The following SOD2 variants were observed in gnomAD, a reference collection of about 807,000 sequenced individuals.
The protein encoded by SOD2 is superoxide dismutase [Mn], mitochondrial.
A neutral mutation model predicts 27.0 loss-of-function variants in SOD2; 11 were observed. That is an observed-to-expected ratio of 0.41 (90% CI 0.26 to 0.67). SOD2 has a LOEUF of 0.67. SOD2 is among the 30% of genes least tolerant of loss of function. SOD2 has a pLI of 0.34. For missense variants in SOD2, 250 were observed against 274.5 expected, an observed-to-expected ratio of 0.91 and a Z score of 0.63; for synonymous variants, 105 against 103.0, an observed-to-expected ratio of 1.02 and a Z score of -0.12.
Position 159,688,101 on chromosome 6 carries a change from T to C in SOD2, c.343+25A>G, listed in dbSNP as rs373111615. The C allele has an allele frequency of 2.8e-5, 33 of 1,192,080 alleles. No individual in the cohort carries two copies. In the African/African-American group the frequency reaches 4.6e-4, roughly 17 times the overall value. 73.8% of individuals were successfully genotyped at this position (1,192,080 alleles called of 1,614,324 possible). A position where few individuals can be genotyped will look rare whatever the true frequency, so the allele number is the denominator to read the frequency against. ...ATTCCTACTGTGCACAAAATGTAGA[T>C]AAGGGTGCACCAATATATACCAACC... On this transcript the variant is annotated intron_variant, in intron 3 of 4. Coordinates refer to ENST00000538183, the MANE Select transcript of SOD2 (RefSeq NM_000636.4).
chr6:159,735,753 A>G (rs1184502292), intron 1 of SOD2, among the ~76,000 whole-genome samples: 1 of 152,106 alleles, frequency 6.6e-6, no homozygotes, highest in African/African-American at 2.4e-5. Flanking sequence ...TGTCTCAAAA[A>G]AAATAAAAAT....
exon 1 of SOD2, chr6:159,761,644 A>C (rs1780128632): frequency 2.2e-6 from 1 of 449,354 alleles, no homozygotes; most frequent in South Asian, 1.6e-5. Flanking sequence ...GAGCTGAACG[A>C]GAGATAAGTC....
chr6:159,710,739 A>ATAACCACCACTCAGCTGCTCTGACCT (rs1777721157), intron 1 of SOD2, among the ~76,000 whole-genome samples: 2 of 145,170 alleles, frequency 1.4e-5, no homozygotes, highest in Non-Finnish European at 3.1e-5. Flanking sequence ...TGCTCTGACC[A>ATAACCACCACTCAGCTGCTCTGACCT]CCATAACCAC....
At chr6:159,749,445 T>C, upstream of SOD2, 1 of 977,434 alleles carries the variant, frequency 1.0e-6, no homozygotes, top group South Asian at 4.7e-5. Flanking sequence ...TTTTTTTAAG[T>C]TCAAAGAATA....
At chr6:159,686,282 A>G (rs1780182710) in intron 3 of SOD2, among the ~76,000 whole-genome samples, 1 of 152,206 alleles carries the variant, frequency 6.6e-6, no homozygotes, top group South Asian at 2.1e-4. Flanking sequence ...GCATATGAAT[A>G]TATCTGATAT....
chr6:159,725,881 C>G (rs1778154505), intron 1 of SOD2: 2 of 152,032 alleles, frequency 1.3e-5, no homozygotes, highest in Non-Finnish European at 2.9e-5. Context: ...TTAATACAAC[C>G]TGAGACTCAT....
chr6:159,745,226 CG>C (rs1317624629), upstream of SOD2: 1 of 152,102 alleles, frequency 6.6e-6, no homozygotes, highest in African/African-American at 2.4e-5. Flanking sequence ...ATTTCTCTTC[CG>C]GATTCCTACT....
At chr6:159,732,141 C>G (rs1337732609), upstream of SOD2, among the ~76,000 whole-genome samples, 2 of 152,092 alleles carry the variant, frequency 1.3e-5, no homozygotes, top group Non-Finnish European at 2.9e-5. Context: ...GATCCGAGTA[C>G]TGTATTTTTT....
intron 1 of SOD2, chr6:159,726,606 G>A: frequency 7.9e-6 from 3 of 381,822 alleles, no homozygotes; most frequent in South Asian, 4.2e-5. Context: ...TTACTTCAGG[G>A]AGTCTACTCC....
intron 1 of SOD2, among the ~76,000 whole-genome samples, chr6:159,700,706 A>C (rs1031370309): frequency 4.0e-5 from 6 of 151,840 alleles, no homozygotes; most frequent in Non-Finnish European, 8.8e-5. Context: ...ATGTTTTCCA[A>C]CTCCCATTTT....
chr6:159,690,161 C>T (rs963764679), intron 2 of SOD2, among the ~76,000 whole-genome samples: 1 of 151,606 alleles, frequency 6.6e-6, no homozygotes, highest in Non-Finnish European at 1.5e-5. Flanking sequence ...GTGGCGTACG[C>T]CTGTAATCCC....
chr6:159,690,831 T>A (rs1466302531), intron 2 of SOD2: 1 of 152,216 alleles, frequency 6.6e-6, no homozygotes, highest in African/African-American at 2.4e-5. Context: ...GGGCTTAATA[T>A]CTGCTTTTAA....
At chr6:159,759,048 AATTTT>A (rs1179464589) in intron 1 of SOD2, among the ~76,000 whole-genome samples, 2 of 151,396 alleles carry the variant, frequency 1.3e-5, no homozygotes, top group African/African-American at 4.9e-5. Flanking sequence ...ATCTAGATGT[AATTTT>A]ATTTTATTTC....
chr6:159,755,736 GT>G (rs1277039315), intron 1 of SOD2: 26 of 364,958 alleles, frequency 7.1e-5, no homozygotes, highest in African/African-American at 4.5e-4. Context: ...TTTTTTTGTT[GT>G]TTTTTTTCTT....
intron 1 of SOD2, chr6:159,755,030 C>G: frequency 6.2e-7 from 1 of 1,610,384 alleles, no homozygotes; most frequent in Non-Finnish European, 8.5e-7. Context: ...TTGCACAGAA[C>G]TGAATGACTT....
Position 159,670,815 on chromosome 6 carries a change from G to C in SOD2, c.*11678C>G, listed in dbSNP as rs923816932. ...GGCATGGCCTCACCCGGGAAGGCAAGGGGTCAGGGAATTCCCTTTCCTAGC... is the reference window on the plus strand; with the variant it reads ...GGCATGGCCTCACCCGGGAAGGCAACGGGTCAGGGAATTCCCTTTCCTAGC... On this transcript the variant is annotated 3_prime_UTR_variant, in exon 5 of 5. Coordinates refer to ENST00000538183, the MANE Select transcript of SOD2 (RefSeq NM_000636.4). 6.6e-6 allele frequency: 1 copy of C among 152,434 alleles called. No homozygotes were observed. The highest frequency in any genetic ancestry group is 1.5e-5 in the Non-Finnish European group (1 of 68,210). The allele number at this position is 152,434 out of a possible 1,614,324, so 9.4% of individuals were successfully genotyped here.
At chr6:159,738,947 C>T (rs775754815) in intron 1 of SOD2, 9 of 1,487,572 alleles carry the variant, frequency 6.1e-6, no homozygotes, top group Non-Finnish European at 7.5e-6. Context: ...AACTTTGTGT[C>T]TTCAGGAAGA....
upstream of SOD2, chr6:159,727,406 A>AGGCGGGAGGCGGGAGGCGGGGGGCG (rs761734374): frequency 2.0e-6 from 1 of 491,242 alleles, no homozygotes; most frequent in African/African-American, 3.6e-5. Flanking sequence ...GGCGGGAGGC[A>AGGCGGGAGGCGGGAGGCGGGGGGCG]GTGGCGCTGG....
Position 159,678,754 on chromosome 6 carries a change from G to C in SOD2, c.*3739C>G, listed in dbSNP as rs1779834758. The C allele has an allele frequency of 6.6e-6, 1 of 152,206 alleles. No individual in the cohort carries two copies. The highest frequency in any genetic ancestry group is 2.1e-4 in the South Asian group (1 of 4,830). 9.4% of individuals were successfully genotyped at this position (152,206 alleles called of 1,614,324 possible). A position where few individuals can be genotyped will look rare whatever the true frequency, so the allele number is the denominator to read the frequency against. ...GGGACTTGCGATTGGTATCTGGAGTGGGGGCAGTCTTGTGGGCTGAGCCCT... is the reference window on the plus strand; with the variant it reads ...GGGACTTGCGATTGGTATCTGGAGTCGGGGCAGTCTTGTGGGCTGAGCCCT... On this transcript the variant is annotated 3_prime_UTR_variant, in exon 5 of 5. Coordinates refer to ENST00000538183, the MANE Select transcript of SOD2 (RefSeq NM_000636.4).
Sources: gnomAD v4.1 joint callset for allele counts (sites outside exome capture counted in the v4.1 genomes callset) on GRCh38, gnomAD v4.1.1 for gene constraint, MANE v1.5 for transcripts, NCBI Gene and HGNC (gene_info 2026-07-23, HGNC 2026-07-21) for gene names.